DNAJC3: variants seen among roughly 807,000 people sequenced by gnomAD.
DNAJC3 encodes the protein DnaJ heat shock protein family (Hsp40) member C3, also known as dnaJ homolog subfamily C member 3.
A neutral mutation model predicts 68.6 loss-of-function variants in DNAJC3; 38 were observed. That is an observed-to-expected ratio of 0.55 (90% CI 0.43 to 0.73). The LOEUF is 0.73. Ranked by LOEUF, DNAJC3 falls within the 30% of genes least tolerant of loss-of-function variation. The probability of loss-of-function intolerance (pLI) is 0.00; values close to 1 mark genes in which losing one functional copy is unlikely to be tolerated. For missense variants in DNAJC3, 526 were observed against 591.9 expected, an observed-to-expected ratio of 0.89 and a Z score of 1.16; for synonymous variants, 203 against 204.0, an observed-to-expected ratio of 1.00 and a Z score of 0.04.
At chr13:95,712,578 T>C (rs780086115) in intron 2 of DNAJC3, among the ~76,000 whole-genome samples, 9 of 152,098 alleles carry the variant, frequency 5.9e-5, no homozygotes, top group Non-Finnish European at 1.2e-4. Context: ...GGTTTCACCA[T>C]GTTTGCCAGG....
chr13:95,677,897 A>T (rs558101825), intron 1 of DNAJC3, among the ~76,000 whole-genome samples: 1 of 151,924 alleles, frequency 6.6e-6, no homozygotes, highest in Non-Finnish European at 1.5e-5. Context: ...GTTTGGTGCA[A>T]TGAGGAGCCG....
At chr13:95,707,427 C>T (rs1268290227) in intron 1 of DNAJC3, among the ~76,000 whole-genome samples, 1 of 152,154 alleles carries the variant, frequency 6.6e-6, no homozygotes, top group Non-Finnish European at 1.5e-5. Context: ...TAAGACATGT[C>T]CCTCAGTACT....
intron 4 of DNAJC3, among the ~76,000 whole-genome samples, chr13:95,754,784 A>G (rs1400111278): frequency 6.6e-6 from 1 of 152,190 alleles, no homozygotes; most frequent in Non-Finnish European, 1.5e-5. Context: ...GGGCCATCTT[A>G]GAAGGCTGCT....
intron 9 of DNAJC3, among the ~76,000 whole-genome samples, chr13:95,780,960 G>T (rs1265567467): frequency 6.6e-6 from 1 of 152,134 alleles, no homozygotes; most frequent in Non-Finnish European, 1.5e-5. Context: ...GGAGTCGCTT[G>T]TAGCTGTGTG....
chr13:95,682,664 T>C lies in DNAJC3; in HGVS notation c.82+5327T>C, dbSNP rs552770753. On this transcript the variant is annotated intron_variant, in intron 1 of 11. Transcript: ENST00000602402. Reference sequence around the variant, plus strand: ...ATGCTGATTAGGAAATGGCATGATGTTTGGTTGTCTTACCTCTCTGAAAAT... The same window carrying C: ...ATGCTGATTAGGAAATGGCATGATGCTTGGTTGTCTTACCTCTCTGAAAAT... Among the ~76,000 whole-genome samples, 16 of 152,248 alleles carry C rather than the reference T, an allele frequency of 1.1e-4. No homozygotes were observed. The South Asian group carries it at 3.3e-3, about 32-fold the overall frequency.
intron 9 of DNAJC3, among the ~76,000 whole-genome samples, chr13:95,775,142 G>C (rs1248814980): frequency 1.3e-5 from 2 of 152,146 alleles, no homozygotes; most frequent in African/African-American, 4.8e-5. Flanking sequence ...ATATTGCATT[G>C]TAGTCTTAAA....
intron 1 of DNAJC3, among the ~76,000 whole-genome samples, chr13:95,686,963 A>T (rs1186233985): frequency 6.6e-6 from 1 of 152,150 alleles, no homozygotes; most frequent in East Asian, 1.9e-4. Context: ...ACAGATTACT[A>T]TGGGCAGTAT....
At chr13:95,777,394 C>T (rs572530958) in intron 9 of DNAJC3, among the ~76,000 whole-genome samples, 1 of 152,162 alleles carries the variant, frequency 6.6e-6, no homozygotes, top group Non-Finnish European at 1.5e-5. Context: ...CAGTCTAGAT[C>T]CATCTTTCAC....
chr13:95,718,320 A>G (rs1881215732), intron 2 of DNAJC3, among the ~76,000 whole-genome samples: 3 of 152,210 alleles, frequency 2.0e-5, no homozygotes, highest in Admixed American at 6.5e-5. Context: ...TGATGTAGGA[A>G]TGGACTCTAG....
intron 5 of DNAJC3, among the ~76,000 whole-genome samples, chr13:95,758,635 TTAATAA>T (rs1882736183): frequency 1.4e-5 from 2 of 147,552 alleles, no homozygotes; most frequent in African/African-American, 5.1e-5. Flanking sequence ...AAAAAAAAAG[TTAATAA>T]TAATAATGGT....
Position 95,791,316 on chromosome 13 carries a change from A to C in DNAJC3, c.*286A>C. Reference sequence around the variant, plus strand: ...GGCAGGCTCACCCGTGGAAGTGCTCACGTATTCTGTATTATTTTTCTACAC... The same window carrying C: ...GGCAGGCTCACCCGTGGAAGTGCTCCCGTATTCTGTATTATTTTTCTACAC... On this transcript the variant is annotated 3_prime_UTR_variant, in exon 12 of 12. Transcript: ENST00000602402. The C allele has an allele frequency of 2.6e-6, 1 of 378,328 alleles. No homozygotes were observed. The highest frequency in any genetic ancestry group is 6.3e-5 in the East Asian group (1 of 15,898). 23.4% of individuals were successfully genotyped at this position (378,328 alleles called of 1,614,324 possible). A position where few individuals can be genotyped will look rare whatever the true frequency, so the allele number is the denominator to read the frequency against.
At chr13:95,708,668 C>T (rs779673461) in intron 1 of DNAJC3, among the ~76,000 whole-genome samples, 2 of 152,118 alleles carry the variant, frequency 1.3e-5, no homozygotes, top group Non-Finnish European at 2.9e-5. Context: ...AACTCCTTAC[C>T]TCTTCACATG....
In DNAJC3 at chr13:95,787,019, G is replaced by A. The variant is rs1423676613; in HGVS notation, c.1221G>A (p.Lys407=). The A allele has an allele frequency of 6.2e-7, 1 of 1,607,516 alleles. No homozygotes were observed. The highest frequency in any genetic ancestry group is 8.5e-7 in the Non-Finnish European group (1 of 1,178,148). The change falls in exon 11 of 12, where the codon AAG becomes AAA. Residue 407 remains lysine (K), a synonymous_variant. Transcript: ENST00000602402. The part of the protein sequence containing the change: ...KILGVKRNAK[K]QEIIKAYRKL... ...TACCACCCCTCAGAAATGCCAAAAA[G>A]CAAGAAATTATTAAAGCATACCGAA...
At chr13:95,766,066 A>G (rs781414329) in intron 9 of DNAJC3, among the ~76,000 whole-genome samples, 1 of 152,216 alleles carries the variant, frequency 6.6e-6, no homozygotes, top group Non-Finnish European at 1.5e-5. Context: ...ATGTAAATAA[A>G]TAATAATCTT....
intron 9 of DNAJC3, among the ~76,000 whole-genome samples, chr13:95,772,054 G>A (rs1466321741): frequency 6.6e-6 from 1 of 152,214 alleles, no homozygotes; most frequent in African/African-American, 2.4e-5. Context: ...TGTGGTCTCT[G>A]TTGCAACTAC....
chr13:95,723,118 G>C (rs1881390324), intron 2 of DNAJC3, 124 bp from the exon 3 acceptor site: 2 of 899,978 alleles, frequency 2.2e-6, no homozygotes, highest in Non-Finnish European at 3.2e-6. Flanking sequence ...TTGATGATGA[G>C]ATTCTTTTCT....
Position 95,792,203 on chromosome 13 carries a change from CTT to C in DNAJC3, c.*1174_*1175del, listed in dbSNP as rs1883797563. On this transcript the variant is annotated 3_prime_UTR_variant, in exon 12 of 12. Transcript: ENST00000602402. Reference sequence around the variant, plus strand: ...TTCATTTAATAAGATGGCATCTCCTCTTGAGATATGTTCTTCTTACCTTTTAA... The same window carrying C: ...TTCATTTAATAAGATGGCATCTCCTCGAGATATGTTCTTCTTACCTTTTAA... The C allele has an allele frequency of 6.6e-6, 1 of 152,194 alleles. No individual in the cohort carries two copies. Among genetic ancestry groups the C allele is most frequent in the Non-Finnish European group, 1.5e-5 (1 of 68,040 alleles). 9.4% of individuals were successfully genotyped at this position (152,194 alleles called of 1,614,324 possible).
chr13:95,715,954 C>A (rs561740853), intron 2 of DNAJC3, among the ~76,000 whole-genome samples: 3 of 151,206 alleles, frequency 2.0e-5, no homozygotes, highest in Non-Finnish European at 3.0e-5. Context: ...GTCAGGAGTT[C>A]GAGACCAGCC....
At chr13:95,730,645 T>C (rs1263855079) in intron 4 of DNAJC3, among the ~76,000 whole-genome samples, 1 of 152,200 alleles carries the variant, frequency 6.6e-6, no homozygotes, top group East Asian at 1.9e-4. Context: ...ATTTCTGGGT[T>C]CTCTAATCTG....
Sources: gnomAD v4.1 joint callset for allele counts (sites outside exome capture counted in the v4.1 genomes callset) on GRCh38, gnomAD v4.1.1 for gene constraint, MANE v1.5 for transcripts, NCBI Gene and HGNC (gene_info 2026-07-23, HGNC 2026-07-21) for gene names.